DSCAM: variants seen among roughly 807,000 people sequenced by gnomAD.
The protein encoded by DSCAM is DS cell adhesion molecule.
Under a neutral mutation model 217.7 loss-of-function variants are expected in DSCAM, and 47 were observed. That is an observed-to-expected ratio of 0.22 (90% CI 0.17 to 0.28). The LOEUF (loss-of-function observed/expected upper bound fraction) is 0.28. Among genes scored for constraint, DSCAM ranks in the 10% least tolerant of loss-of-function variants. DSCAM has a pLI of 1.00. For synonymous variants in DSCAM, 1,056 were observed against 1,015.3 expected (o/e 1.04, Z -0.76); for missense variants, 2,080 against 2,618.3 (o/e 0.79, Z 4.49).
In DSCAM at chr21:40,706,096, C is replaced by T. The variant is rs181656680; in HGVS notation, c.361+2358G>A. On this transcript the variant is annotated intron_variant, in intron 2 of 32. Transcript: ENST00000400454. ...CTCTGGAGGCTGGGCAGGAAAACGG[C>T]GTGAACCCGGGAGGTGGAGCTTGCA... 7.7e-4 allele frequency among the ~76,000 whole-genome samples: 115 copies of T among 149,894 alleles called. 2 individuals are homozygous for T. Among genetic ancestry groups the T allele is most frequent in the Middle Eastern group, 3.5e-3 (1 of 288 alleles).
intron 4 of DSCAM, among the ~76,000 whole-genome samples, chr21:40,358,012 G>C (rs1181942779): frequency 6.6e-6 from 1 of 152,132 alleles, no homozygotes; most frequent in Non-Finnish European, 1.5e-5. Flanking sequence ...ACTTAGAGTA[G>C]GAAGTAGAAG....
intron 1 of DSCAM, among the ~76,000 whole-genome samples, chr21:40,751,572 A>G (rs768296123): frequency 6.6e-6 from 1 of 152,234 alleles, no homozygotes; most frequent in Non-Finnish European, 1.5e-5. Flanking sequence ...TTCTAATTAC[A>G]TAAAGTTCAA....
chr21:40,195,838 C>G (rs1443413299), intron 11 of DSCAM, among the ~76,000 whole-genome samples: 1 of 152,146 alleles, frequency 6.6e-6, no homozygotes, highest in East Asian at 1.9e-4. Context: ...TTAAACCAGT[C>G]CTCCCAAATT....
chr21:40,672,096 C>A (rs1256917349), intron 3 of DSCAM, among the ~76,000 whole-genome samples: 1 of 152,174 alleles, frequency 6.6e-6, no homozygotes, highest in Non-Finnish European at 1.5e-5. Flanking sequence ...TCTCCCACTT[C>A]TTATAAGGAC....
chr21:40,394,372 C>T (rs2075160195), intron 3 of DSCAM, among the ~76,000 whole-genome samples: 1 of 152,156 alleles, frequency 6.6e-6, no homozygotes, highest in African/African-American at 2.4e-5. Flanking sequence ...TGCCTGACTC[C>T]CAATGCCACA....
intron 11 of DSCAM, among the ~76,000 whole-genome samples, chr21:40,232,628 C>A (rs1057490888): frequency 6.6e-6 from 1 of 152,120 alleles, no homozygotes; most frequent in Non-Finnish European, 1.5e-5. Flanking sequence ...GAATTCCATA[C>A]AGAGATGTTT....
chr21:40,422,818 G>A lies in DSCAM; in HGVS notation c.509-53573C>T, dbSNP rs367806580. Among the ~76,000 whole-genome samples, 20 of 152,314 alleles carry A rather than the reference G, an allele frequency of 1.3e-4. No homozygotes were observed. The South Asian group carries it at 2.7e-3, about 21-fold the overall frequency. Reference sequence around the variant, plus strand: ...GGTTTTTCCAAGAAGTAAAGGTCTTGCAGAAAATCATACATTCAAATATTC... The same window carrying A: ...GGTTTTTCCAAGAAGTAAAGGTCTTACAGAAAATCATACATTCAAATATTC... On this transcript the variant is annotated intron_variant, in intron 3 of 32. Transcript: ENST00000400454.
chr21:40,324,795 A>G (rs1441557992), intron 8 of DSCAM, among the ~76,000 whole-genome samples: 2 of 152,194 alleles, frequency 1.3e-5, no homozygotes, highest in African/African-American at 4.8e-5. Context: ...AAGCCATTTG[A>G]ATCATCAAGG....
intron 3 of DSCAM, among the ~76,000 whole-genome samples, chr21:40,676,739 A>C (rs540739464): frequency 1.3e-5 from 2 of 152,286 alleles, no homozygotes; most frequent in South Asian, 2.1e-4. Flanking sequence ...AATTACCTGC[A>C]AGGCTGAGAT....
At chr21:40,833,803 C>G (rs967209331) in intron 1 of DSCAM, among the ~76,000 whole-genome samples, 47 of 152,164 alleles carry the variant, frequency 3.1e-4, no homozygotes, top group African/African-American at 1.1e-3. Context: ...GTTACGGTAA[C>G]TAGACTCTGA....
At chr21:40,196,757 C>T (rs1429115457) in intron 11 of DSCAM, among the ~76,000 whole-genome samples, 1 of 152,028 alleles carries the variant, frequency 6.6e-6, no homozygotes, top group Admixed American at 6.6e-5. Context: ...ACAACAATAG[C>T]TAATTTTTAT....
At chr21:40,604,567 G>A (rs1377205255) in intron 3 of DSCAM, among the ~76,000 whole-genome samples, 1 of 152,186 alleles carries the variant, frequency 6.6e-6, no homozygotes, top group Admixed American at 6.5e-5. Context: ...GGTTTTACAT[G>A]AATCTGGGCT....
intron 8 of DSCAM, among the ~76,000 whole-genome samples, chr21:40,316,603 G>A (rs1208435990): frequency 2.0e-5 from 3 of 152,076 alleles, no homozygotes; most frequent in Admixed American, 6.6e-5. Context: ...GACAGTAAAA[G>A]CTTGTATATC....
chr21:40,299,358 G>A (rs2073989362), intron 9 of DSCAM, among the ~76,000 whole-genome samples: 2 of 152,214 alleles, frequency 1.3e-5, no homozygotes, highest in African/African-American at 4.8e-5. Context: ...GTGTACCAGT[G>A]AATACGTAGG....
At chr21:40,013,714 T>TCCACTGGTGTA (rs1420104095) in intron 32 of DSCAM, among the ~76,000 whole-genome samples, 1 of 152,188 alleles carries the variant, frequency 6.6e-6, no homozygotes, top group Non-Finnish European at 1.5e-5. Flanking sequence ...GGCATCAGTG[T>TCCACTGGTGTA]CCACTGGGTA....
intron 3 of DSCAM, among the ~76,000 whole-genome samples, chr21:40,387,366 CA>C (rs949482203): frequency 4.2e-3 from 564 of 135,568 alleles, no homozygotes; most frequent in African/African-American, 8.5e-3. Context: ...ATTGGACCTC[CA>C]AAAAAAAAAA....
At chr21:40,504,465 C>T (rs1321016371) in intron 3 of DSCAM, among the ~76,000 whole-genome samples, 3 of 152,096 alleles carry the variant, frequency 2.0e-5, no homozygotes, top group South Asian at 2.1e-4. Context: ...ACAGAATTCT[C>T]GATGTGGAAT....
chr21:40,414,766 C>T (rs1000572773), intron 3 of DSCAM, among the ~76,000 whole-genome samples: 7 of 152,146 alleles, frequency 4.6e-5, no homozygotes, highest in South Asian at 2.1e-4. Flanking sequence ...CATTACCTGC[C>T]GACATGAACC....
At chr21:40,067,129 A>G (rs2089217412) in intron 27 of DSCAM, among the ~76,000 whole-genome samples, 2 of 152,210 alleles carry the variant, frequency 1.3e-5, no homozygotes, top group African/African-American at 4.8e-5. Context: ...GGGCAAAACT[A>G]TCTAACACAG....
Sources: gnomAD v4.1 joint callset for allele counts (sites outside exome capture counted in the v4.1 genomes callset) on GRCh38, gnomAD v4.1.1 for gene constraint, MANE v1.5 for transcripts, NCBI Gene and HGNC (gene_info 2026-07-23, HGNC 2026-07-21) for gene names.